SORCS1: variants seen among roughly 807,000 people sequenced by gnomAD.
SORCS1 encodes the protein sortilin related VPS10 domain containing receptor 1, also known as VPS10 domain-containing receptor SorCS1.
SORCS1 carries 60 observed loss-of-function variants against 146.1 expected under a neutral mutation model. The ratio of observed to expected loss-of-function variants is 0.41; its 90% CI spans 0.33 to 0.51. The LOEUF is 0.51. Ranked by LOEUF, SORCS1 falls within the 20% of genes least tolerant of loss-of-function variation. The pLI is 0.21. For missense variants in SORCS1, 1,352 were observed against 1,487.6 expected (o/e 0.91, Z 1.50); for synonymous variants, 637 against 584.0 (o/e 1.09, Z -1.31).
chr10:107,169,476 G>A (rs368209728), upstream of SORCS1, among the ~76,000 whole-genome samples: 1 of 152,166 alleles, frequency 6.6e-6, no homozygotes, highest in Non-Finnish European at 1.5e-5. Context: ...GGTGTTAGTA[G>A]GAGCACATAA....
intron 18 of SORCS1, among the ~76,000 whole-genome samples, chr10:106,644,758 A>G (rs893148501): frequency 1.3e-5 from 2 of 152,370 alleles, no homozygotes; most frequent in South Asian, 2.1e-4. Context: ...CTTTAGCTCA[A>G]TAATGGATAT....
At chr10:106,649,252 A>G (rs1589564909) in intron 18 of SORCS1, among the ~76,000 whole-genome samples, 1 of 152,266 alleles carries the variant, frequency 6.6e-6, no homozygotes, top group South Asian at 2.1e-4. Flanking sequence ...GAAAGAGCAC[A>G]TGGTAGCAAA....
rs1590287126 is a variant in SORCS1, at chr10:107,164,664, C to A, written c.-138G>T. ...GCGCCGCGGTGGGGGCGGGCGGAGG[C>A]GGCGCCGGGCAGGTGGCGGCCGCTT... On this transcript the variant is annotated 5_prime_UTR_variant, in exon 1 of 26. Transcript: ENST00000263054. This position sits in a 1 kb window ranked among gnomAD's most constrained non-coding sequence, Gnocchi z 6.8. The A allele has an allele frequency of 1.5e-6, 1 of 662,234 alleles. No individual in the cohort carries two copies. Among genetic ancestry groups the A allele is most frequent in the East Asian group, 3.5e-5 (1 of 28,430 alleles). 41.0% of individuals were successfully genotyped at this position (662,234 alleles called of 1,614,324 possible).
At chr10:106,725,973 C>T (rs921639151) in intron 6 of SORCS1, among the ~76,000 whole-genome samples, 7 of 150,718 alleles carry the variant, frequency 4.6e-5, no homozygotes, top group Non-Finnish European at 8.9e-5. Context: ...AAAGAGATAA[C>T]ACAGAGATAT....
intron 13 of SORCS1, 30 bp from the exon 14 acceptor site, chr10:106,675,186 ATCTCC>A: frequency 2.6e-6 from 4 of 1,515,046 alleles, no homozygotes; most frequent in Middle Eastern, 1.7e-4. Flanking sequence ...CAGTCATCAG[ATCTCC>A]AAAGGAAAAA....
At chr10:106,683,744 G>T (rs944046632) in intron 10 of SORCS1, among the ~76,000 whole-genome samples, 5 of 152,128 alleles carry the variant, frequency 3.3e-5, no homozygotes, top group Non-Finnish European at 5.9e-5. Context: ...CTTTTGTAAA[G>T]AACAAGCTCC....
At chr10:107,006,572 C>T (rs1335174387) in intron 1 of SORCS1, among the ~76,000 whole-genome samples, 4 of 152,196 alleles carry the variant, frequency 2.6e-5, no homozygotes, top group Non-Finnish European at 5.9e-5. Flanking sequence ...AATCCCAGCA[C>T]TTTGGGAGGC....
chr10:106,917,043 C>T (rs1952479212), intron 2 of SORCS1, among the ~76,000 whole-genome samples: 2 of 152,162 alleles, frequency 1.3e-5, no homozygotes, highest in Admixed American at 1.3e-4. Flanking sequence ...GCACCCAGCC[C>T]ACTTTCCAAT....
rs755517212 is a variant in SORCS1, at chr10:106,671,199, A to C, written c.2189+38T>G. The C allele has an allele frequency of 1.9e-6, 3 of 1,612,842 alleles. No homozygotes were observed. In the South Asian group the frequency reaches 3.3e-5, roughly 18 times the overall value. On this transcript the variant is annotated intron_variant, in intron 16 of 25. Coordinates refer to ENST00000263054, the MANE Select transcript of SORCS1 (RefSeq NM_052918.5). Reference sequence around the variant, plus strand: ...TCATTCAGGCCCATGTGGATTTGATACACCAAATGGCTCCAGGAGATAATT... The same window carrying C: ...TCATTCAGGCCCATGTGGATTTGATCCACCAAATGGCTCCAGGAGATAATT...
At chr10:106,770,751 A>G (rs994268765) in intron 4 of SORCS1, among the ~76,000 whole-genome samples, 3 of 152,264 alleles carry the variant, frequency 2.0e-5, no homozygotes, top group Non-Finnish European at 4.4e-5. Context: ...CCACCTTCCT[A>G]CATGGCAAGA....
chr10:106,688,144 T>C (rs759920773), intron 10 of SORCS1, 48 bp downstream of exon 10: 1 of 1,585,056 alleles, frequency 6.3e-7, no homozygotes, highest in Non-Finnish European at 8.6e-7. Context: ...AATATCCATT[T>C]CCATCCCTCT....
chr10:106,636,948 G>A (rs987860749), intron 18 of SORCS1, among the ~76,000 whole-genome samples: 2 of 152,190 alleles, frequency 1.3e-5, no homozygotes, highest in African/African-American at 4.8e-5. Context: ...AAAGAACTTT[G>A]TAAGCTTCGC....
intron 1 of SORCS1, among the ~76,000 whole-genome samples, chr10:107,002,333 A>G (rs1224628872): frequency 1.3e-5 from 2 of 152,252 alleles, no homozygotes; most frequent in Non-Finnish European, 2.9e-5. Flanking sequence ...GGAACTAAAA[A>G]TAATTATGGA....
intron 1 of SORCS1, among the ~76,000 whole-genome samples, chr10:106,998,096 G>A (rs984471120): frequency 2.0e-5 from 3 of 152,312 alleles, no homozygotes; most frequent in South Asian, 2.1e-4. Flanking sequence ...CTCCTTGTGC[G>A]AATGTCAGGC....
chr10:107,174,780 G>A, the SORCS1 span, among the ~76,000 whole-genome samples: 1 of 151,890 alleles, frequency 6.6e-6, no homozygotes, highest in Non-Finnish European at 1.5e-5. Flanking sequence ...GTTGATGATT[G>A]TTTGGCTAGC....
At chr10:106,989,670 G>GTTTTTTTTTTTTT (rs1335278625) in intron 1 of SORCS1, among the ~76,000 whole-genome samples, 5 of 116,448 alleles carry the variant, frequency 4.3e-5, no homozygotes, top group African/African-American at 1.4e-4. Context: ...TATTTTTTCT[G>GTTTTTTTTTTTTT]TTTTTTTTTG....
intron 3 of SORCS1, among the ~76,000 whole-genome samples, chr10:106,812,705 A>C (rs1450272892): frequency 6.6e-6 from 1 of 152,206 alleles, no homozygotes; most frequent in African/African-American, 2.4e-5. Flanking sequence ...ACATGTATGC[A>C]TGTATGTATA....
At position 106,628,230 on chromosome 10, in the gene SORCS1, T is replaced by C. The variant is rs541454274; in HGVS notation, c.2662+972A>G. Among the ~76,000 whole-genome samples, 241 of 152,288 alleles carry C rather than the reference T, an allele frequency of 1.6e-3. 2 individuals are homozygous for C. The highest frequency in any genetic ancestry group is 4.7e-3 in the African/African-American group (196 of 41,556). On this transcript the variant is annotated intron_variant, in intron 19 of 25. Coordinates refer to ENST00000263054, the MANE Select transcript of SORCS1 (RefSeq NM_052918.5). ...GGAAGACTCAACAACCAAAACACCT[T>C]TTTGTCATCCCCTAATAGTCTTGCC...
intron 3 of SORCS1, among the ~76,000 whole-genome samples, chr10:106,788,546 A>G (rs1425626939): frequency 6.6e-6 from 1 of 152,366 alleles, no homozygotes; most frequent in East Asian, 1.9e-4. Flanking sequence ...CAAAGGGGCT[A>G]CAGGTCCCAC....
Sources: allele counts gnomAD v4.1 joint callset (sites outside exome capture counted in the v4.1 genomes callset), GRCh38; gene constraint gnomAD v4.1.1; non-coding constraint Gnocchi (gnomAD v3.1); transcripts MANE v1.5; gene names NCBI Gene and HGNC (gene_info 2026-07-23, HGNC 2026-07-21).